The following ENPP1 variants were observed in gnomAD, a reference collection of about 807,000 sequenced individuals.
ENPP1 encodes the protein ectonucleotide pyrophosphatase/phosphodiesterase family member 1.
A neutral mutation model predicts 122.8 loss-of-function variants in ENPP1; 73 were observed. That is an observed-to-expected ratio of 0.59 (90% CI 0.49 to 0.72). ENPP1 has a LOEUF of 0.72. Ranked by LOEUF, ENPP1 falls within the 30% of genes least tolerant of loss-of-function variation. The pLI is 0.00. For missense variants in ENPP1, 978 were observed against 1,128.1 expected, an observed-to-expected ratio of 0.87 and a Z score of 1.91; for synonymous variants, 367 against 391.6, an observed-to-expected ratio of 0.94 and a Z score of 0.74.
At chr6:131,856,119 G>A (rs1438591330) in intron 6 of ENPP1, among the ~76,000 whole-genome samples, 3 of 152,148 alleles carry the variant, frequency 2.0e-5, no homozygotes, top group Admixed American at 2.0e-4. Context: ...CATGGAAGAA[G>A]ATAGTTTTGT....
At chr6:131,811,712 G>A (rs1284046027) in intron 1 of ENPP1, among the ~76,000 whole-genome samples, 2 of 152,138 alleles carry the variant, frequency 1.3e-5, no homozygotes, top group Non-Finnish European at 2.9e-5. Context: ...AATTGCCCCT[G>A]GGAATGGGTG....
At chr6:131,847,500 T>G (rs1781824071) in intron 1 of ENPP1, among the ~76,000 whole-genome samples, 1 of 152,194 alleles carries the variant, frequency 6.6e-6, no homozygotes, top group Non-Finnish European at 1.5e-5. Flanking sequence ...CCAAAAAGTT[T>G]AGAAACATTT....
intron 17 of ENPP1, among the ~76,000 whole-genome samples, chr6:131,876,226 G>A (rs958764177): frequency 6.6e-6 from 1 of 152,174 alleles, no homozygotes; most frequent in Non-Finnish European, 1.5e-5. Flanking sequence ...CAAAACTTTT[G>A]GAACTTCTGG....
At chr6:131,874,932 G>GC (rs1307969442) in intron 16 of ENPP1, among the ~76,000 whole-genome samples, 1 of 152,082 alleles carries the variant, frequency 6.6e-6, no homozygotes, top group Non-Finnish European at 1.5e-5. Context: ...GGAATTGGGG[G>GC]CCATTATCCT....
intron 10 of ENPP1, 94 bp from the exon 11 acceptor site, chr6:131,864,772 T>C: frequency 1.1e-6 from 1 of 914,204 alleles, no homozygotes; most frequent in Non-Finnish European, 1.8e-6. Context: ...ACCAGTGTTA[T>C]AAAATTTAAT....
intron 24 of ENPP1, 98 bp downstream of exon 24, chr6:131,886,822 AACT>A (rs1782384223): frequency 1.1e-6 from 1 of 924,968 alleles, no homozygotes; most frequent in Admixed American, 2.5e-5. Flanking sequence ...GAGAAAGCAC[AACT>A]GAGTACACAT....
chr6:131,876,924 A>G (rs1782236064), intron 17 of ENPP1, 68 bp from the exon 18 acceptor site: 1 of 1,464,874 alleles, frequency 6.8e-7, no homozygotes, highest in Non-Finnish European at 9.6e-7. Flanking sequence ...AGTAAAGATC[A>G]TGGCACAAGT....
At chr6:131,881,612 G>A (rs146162515) in intron 20 of ENPP1, among the ~76,000 whole-genome samples, 9 of 152,116 alleles carry the variant, frequency 5.9e-5, no homozygotes, top group African/African-American at 1.7e-4. Flanking sequence ...TGACCAGCGC[G>A]GTGGCTCACG....
intron 1 of ENPP1, 107 bp from the exon 2 acceptor site, chr6:131,847,669 G>A: frequency 1.3e-6 from 1 of 751,802 alleles, no homozygotes; most frequent in Non-Finnish European, 2.2e-6. Context: ...TCATGCCACT[G>A]TACCCTAGCC....
intron 2 of ENPP1, 84 bp from the exon 3 acceptor site, chr6:131,849,906 C>T (rs576035361): frequency 2.0e-6 from 2 of 1,001,010 alleles, no homozygotes; most frequent in Non-Finnish European, 1.6e-6. Flanking sequence ...ACCTAGTGTA[C>T]ACCTAACTTA....
At chr6:131,808,816 T>C (rs2114644261) in intron 1 of ENPP1, among the ~76,000 whole-genome samples, 1 of 152,350 alleles carries the variant, frequency 6.6e-6, no homozygotes, top group East Asian at 1.9e-4. Context: ...CCATGGATGT[T>C]CACATTATGT....
chr6:131,808,031 C>A lies in ENPP1; in HGVS notation c.-5C>A, dbSNP rs1781299668. The stretch of plus-strand genomic sequence containing the variant: ...GGCAGCGGGGCCGGAGCGGCCGGGG[C>A]CACGATGGAGCGCGACGGCTGCGCG... On this transcript the variant is annotated 5_prime_UTR_variant, in exon 1 of 25. Transcript: ENST00000647893. The A allele has an allele frequency of 1.0e-6, 1 of 977,504 alleles. No homozygotes were observed. The highest frequency in any genetic ancestry group is 1.2e-6 in the Non-Finnish European group (1 of 827,032). The allele number at this position is 977,504 out of a possible 1,614,324, so 60.6% of individuals were successfully genotyped here. A position where few individuals can be genotyped will look rare whatever the true frequency, so the allele number is the denominator to read the frequency against.
intron 1 of ENPP1, chr6:131,820,688 T>G (rs142287008): frequency 1.3e-5 from 2 of 152,354 alleles, no homozygotes; most frequent in East Asian, 3.9e-4. Context: ...ACCACAGCTC[T>G]GCTGTTATCC....
At chr6:131,814,364 A>T (rs1370702149) in intron 1 of ENPP1, among the ~76,000 whole-genome samples, 1 of 152,078 alleles carries the variant, frequency 6.6e-6, no homozygotes, top group African/African-American at 2.4e-5. Context: ...GAAAAACACC[A>T]GGTGGTGGTG....
chr6:131,886,802 A>T, intron 24 of ENPP1, 78 bp downstream of exon 24: 1 of 1,271,898 alleles, frequency 7.9e-7, no homozygotes, highest in South Asian at 1.3e-5. Context: ...CCCATCTGAC[A>T]TTACAGTGAG....
intron 1 of ENPP1, among the ~76,000 whole-genome samples, chr6:131,818,829 A>AT (rs557853518): frequency 1.6e-4 from 24 of 152,036 alleles, no homozygotes; most frequent in South Asian, 6.2e-4. Context: ...AGCTGAACTA[A>AT]TTTTTTTTCA....
intron 6 of ENPP1, among the ~76,000 whole-genome samples, chr6:131,857,435 T>A (rs1412273834): frequency 6.7e-6 from 1 of 150,298 alleles, no homozygotes; most frequent in African/African-American, 2.5e-5. Context: ...ATTAAGAAAA[T>A]GTGGCACATA....
At chr6:131,855,175 C>T in intron 6 of ENPP1, 152 bp downstream of exon 6, 1 of 684,886 alleles carries the variant, frequency 1.5e-6, no homozygotes, top group Non-Finnish European at 2.6e-6. Context: ...AGGCGCTTAT[C>T]TTTAATAGTG....
intron 1 of ENPP1, among the ~76,000 whole-genome samples, chr6:131,832,284 C>T (rs1781624205): frequency 6.6e-6 from 1 of 152,088 alleles, no homozygotes; most frequent in Non-Finnish European, 1.5e-5. Context: ...TTACATAAAC[C>T]TTTGTGCCTG....
Sources: allele counts gnomAD v4.1 joint callset (sites outside exome capture counted in the v4.1 genomes callset), GRCh38; gene constraint gnomAD v4.1.1; transcripts MANE v1.5; gene names NCBI Gene and HGNC (gene_info 2026-07-23, HGNC 2026-07-21).